Variants in NOP16 observed in about 807,000 individuals in gnomAD.
NOP16 encodes nucleolar protein 16.
A neutral mutation model predicts 22.7 loss-of-function variants in NOP16; 14 were observed. That is an observed-to-expected ratio of 0.62 (90% CI 0.41 to 0.97). NOP16 has a LOEUF of 0.97. NOP16 is among the 50% of genes least tolerant of loss of function. The pLI is 0.00. For missense variants in NOP16, 198 were observed against 235.9 expected (o/e 0.84, Z 1.05); for synonymous variants, 80 against 83.6 (o/e 0.96, Z 0.23).
At chr5:176,384,989 T>A (rs1755715184) in intron 4 of NOP16, 1 of 575,818 alleles carries the variant, frequency 1.7e-6, no homozygotes, top group African/African-American at 1.9e-5. Context: ...AAAAACACCA[T>A]GCGAGCAAAA....
intron 3 of NOP16, chr5:176,386,230 G>A: frequency 6.4e-6 from 1 of 157,198 alleles, no homozygotes; most frequent in Admixed American, 6.1e-5. Flanking sequence ...AAGTGCCTAT[G>A]GCTTGGTATA....
chr5:176,384,823 C>A, intron 4 of NOP16: 1 of 417,764 alleles, frequency 2.4e-6, no homozygotes. Flanking sequence ...GGAGCTGGGG[C>A]CAGCTGAGGA....
chr5:176,387,072 CTCTCTCTTT>C (rs1755908441), intron 2 of NOP16, 163 bp from the exon 3 acceptor site: 2 of 591,368 alleles, frequency 3.4e-6, no homozygotes, highest in Non-Finnish European at 6.0e-6. Flanking sequence ...TTTTCTCTCT[CTCTCTCTTT>C]TTTTTTTTCT....
intron 2 of NOP16, among the ~76,000 whole-genome samples, chr5:176,387,144 C>A (rs1253708667): frequency 6.6e-6 from 1 of 151,852 alleles, no homozygotes; most frequent in African/African-American, 2.4e-5. Context: ...AATGCAGTGG[C>A]ACAATCTTGG....
chr5:176,388,585 C>G lies in NOP16; in HGVS notation c.-46G>C, dbSNP rs1187169880. The G allele has an allele frequency of 6.5e-7, 1 of 1,543,914 alleles. No individual in the cohort carries two copies. The highest frequency in any genetic ancestry group is 8.9e-7 in the Non-Finnish European group (1 of 1,123,106). ...CAGCTCAAACACGCTGCCTCTGTCT[C>G]TCAGACCTCGTGTAACAAACTCCTT... On this transcript the variant is annotated 5_prime_UTR_variant, in exon 1 of 5. Coordinates refer to ENST00000614830, the MANE Select transcript of NOP16 (RefSeq NM_016391.8).
At chr5:176,385,169 C>CG (rs770865120) in intron 4 of NOP16, 52 bp downstream of exon 4, 6 of 1,018,282 alleles carry the variant, frequency 5.9e-6, no homozygotes, top group Non-Finnish European at 9.4e-6. Flanking sequence ...GATCAAGCCG[C>CG]GAATGGTCCA....
intron 2 of NOP16, 74 bp downstream of exon 2, chr5:176,388,161 C>G (rs748974931): frequency 7.0e-6 from 8 of 1,138,616 alleles, no homozygotes; most frequent in Middle Eastern, 2.0e-4. Context: ...GGCAGTACCA[C>G]GTTCTGACAC....
chr5:176,387,968 G>C (rs1164503642), intron 2 of NOP16, among the ~76,000 whole-genome samples: 1 of 152,174 alleles, frequency 6.6e-6, no homozygotes, highest in African/African-American at 2.4e-5. Context: ...ATAAATTAAG[G>C]AAAATACCGT....
chr5:176,388,560 C>G lies in NOP16; in HGVS notation c.-21G>C, dbSNP rs527818464. On this transcript the variant is annotated 5_prime_UTR_variant, in exon 1 of 5. Transcript: ENST00000614830. ...GGCATCGCGCTGACCACCGCACCAG[C>G]AGCTCAAACACGCTGCCTCTGTCTC... 1 of 1,590,838 alleles carries G rather than the reference C, an allele frequency of 6.3e-7. No individual in the cohort carries two copies. Among genetic ancestry groups the G allele is most frequent in the Non-Finnish European group, 8.6e-7 (1 of 1,160,900 alleles).
At chr5:176,388,209 G>A in intron 2 of NOP16, 26 bp downstream of exon 2, 1 of 1,529,490 alleles carries the variant, frequency 6.5e-7, no homozygotes, top group Non-Finnish European at 9.0e-7. Context: ...AAGAAGACAA[G>A]GACCGAGACC....
chr5:176,388,115 A>G (rs1756032341), intron 2 of NOP16, 120 bp downstream of exon 2: 3 of 697,702 alleles, frequency 4.3e-6, no homozygotes, highest in African/African-American at 3.6e-5. Flanking sequence ...GACTGTGGGG[A>G]GGTCGAAAAC....
At chr5:176,384,399 G>A (rs2113576179) in intron 4 of NOP16, 25 bp from the exon 5 acceptor site, 1 of 1,599,940 alleles carries the variant, frequency 6.3e-7, no homozygotes, top group South Asian at 1.1e-5. Flanking sequence ...GCTACTTTAA[G>A]GAGGGCTAGA....
At chr5:176,384,413 G>A (rs1755666817) in intron 4 of NOP16, 39 bp from the exon 5 acceptor site, 2 of 1,579,340 alleles carry the variant, frequency 1.3e-6, no homozygotes, top group African/African-American at 1.4e-5. Flanking sequence ...GGCTAGACAG[G>A]CAAAGGCTCA....
chr5:176,385,460 TC>T (rs1027780947), intron 3 of NOP16, 133 bp from the exon 4 acceptor site: 175 of 621,356 alleles, frequency 2.8e-4, no homozygotes, highest in Non-Finnish European at 4.6e-4. Context: ...GGTCTTTGCC[TC>T]CCCATTCCCA....
At position 176,384,017 on chromosome 5, in the gene NOP16, T is replaced by G. The variant is rs2113572738; in HGVS notation, c.*214A>C. The G allele has an allele frequency of 6.5e-7, 1 of 1,538,596 alleles. No individual in the cohort carries two copies. Among genetic ancestry groups the G allele is most frequent in the East Asian group, 2.4e-5 (1 of 40,960 alleles). On this transcript the variant is annotated 3_prime_UTR_variant, in exon 5 of 5. Transcript: ENST00000614830. ...ACCCTGAAAACAGCAGGTTCTGGCT[T>G]TTCCGTGAACCCCCAGATGAATATA... is the stretch of plus-strand genomic sequence containing the variant.
chr5:176,386,581 C>T, intron 3 of NOP16: 1 of 548,202 alleles, frequency 1.8e-6, no homozygotes, highest in South Asian at 1.8e-5. Context: ...ACTGGTTTCT[C>T]TTCTATTCTC....
chr5:176,388,413 C>A lies in NOP16; in HGVS notation c.107+20G>T, dbSNP rs1756069472. ...GTCCCGGCCGAGGCCCACGGCCACC[C>A]GGAACCCCAGCCCCCTCACCATTCG... is the stretch of plus-strand genomic sequence containing the variant. On this transcript the variant is annotated intron_variant, in intron 1 of 4. Transcript: ENST00000614830. 2 of 1,613,688 alleles carry A rather than the reference C, an allele frequency of 1.2e-6. No individual in the cohort carries two copies. The highest frequency in any genetic ancestry group is 1.1e-5 in the South Asian group (1 of 91,080).
At chr5:176,386,362 C>T (rs887449334) in intron 3 of NOP16, 5 of 214,234 alleles carry the variant, frequency 2.3e-5, no homozygotes, top group Non-Finnish European at 4.8e-5. Context: ...CTTAAACTCC[C>T]TGACAGGTAA....
intron 2 of NOP16, 126 bp downstream of exon 2, chr5:176,388,109 G>T: frequency 1.5e-6 from 1 of 677,946 alleles, no homozygotes. Context: ...CGTTCTGACT[G>T]TGGGGAGGTC....
Sources: gnomAD v4.1 joint callset for allele counts (sites outside exome capture counted in the v4.1 genomes callset) on GRCh38, gnomAD v4.1.1 for gene constraint, MANE v1.5 for transcripts, NCBI Gene and HGNC (gene_info 2026-07-23, HGNC 2026-07-21) for gene names.